Variants in NBEA observed in about 807,000 individuals in gnomAD.
NBEA encodes neurobeachin.
In NBEA, 44 loss-of-function variants were observed where a neutral mutation model predicts 343.4. The observed-to-expected ratio is 0.13, with a 90% CI of 0.10 to 0.16. The LOEUF is 0.16. Ranked by LOEUF, NBEA falls within the 10% of genes least tolerant of loss-of-function variation. The pLI, the probability that NBEA is intolerant of heterozygous loss-of-function variation, is 1.00. For synonymous variants in NBEA, 1,175 were observed against 1,238.7 expected, an observed-to-expected ratio of 0.95 and a Z score of 1.08; for missense variants, 2,555 against 3,631.3, an observed-to-expected ratio of 0.70 and a Z score of 7.62.
chr13:35,154,705 G>C (rs2069033938), intron 18 of NBEA, among the ~76,000 whole-genome samples: 1 of 152,060 alleles, frequency 6.6e-6, no homozygotes, highest in South Asian at 2.1e-4. Context: ...GTTAGTAAAT[G>C]TTTTAGAATT....
At chr13:35,036,643 A>T (rs1026102105) in intron 1 of NBEA, among the ~76,000 whole-genome samples, 1 of 151,974 alleles carries the variant, frequency 6.6e-6, no homozygotes, top group Admixed American at 6.6e-5. Flanking sequence ...TTTCCTCTTC[A>T]TGTTTGAAGG....
chr13:35,305,821 G>A (rs1188641132), intron 35 of NBEA, among the ~76,000 whole-genome samples: 3 of 152,098 alleles, frequency 2.0e-5, no homozygotes, highest in Non-Finnish European at 4.4e-5. Context: ...GCACACCATC[G>A]GTGGGTTCTT....
intron 8 of NBEA, among the ~76,000 whole-genome samples, chr13:35,063,622 G>T (rs2063542777): frequency 6.6e-6 from 1 of 151,956 alleles, no homozygotes; most frequent in African/African-American, 2.4e-5. Flanking sequence ...TCTTGAGTGA[G>T]AGGAACAGCC....
intron 6 of NBEA, among the ~76,000 whole-genome samples, chr13:35,052,292 A>T (rs1473683135): frequency 6.6e-6 from 1 of 152,044 alleles, no homozygotes; most frequent in Non-Finnish European, 1.5e-5. Flanking sequence ...AAATCTTTAC[A>T]TTAAAGCTTT....
At chr13:35,556,419 G>A (rs1410287) in intron 44 of NBEA, among the ~76,000 whole-genome samples, 135,075 of 152,006 alleles carry the variant, frequency 0.89, 60,941 homozygotes, top group East Asian at 1. Context: ...TAACTCTATC[G>A]TGGACTTTTA....
intron 41 of NBEA, chr13:35,476,238 C>G: frequency 6.4e-7 from 1 of 1,566,044 alleles, no homozygotes; most frequent in Non-Finnish European, 8.8e-7. Flanking sequence ...GAGAAACGGG[C>G]CGCAACACTC....
chr13:35,568,840 GGATTAGGGACAA>G (rs1393701398), intron 45 of NBEA, among the ~76,000 whole-genome samples: 2 of 152,128 alleles, frequency 1.3e-5, no homozygotes, highest in African/African-American at 4.8e-5. Context: ...TCAGAATTTT[GGATTAGGGACAA>G]GATTAGGAAC....
At chr13:35,368,991 A>G (rs568938640) in intron 38 of NBEA, among the ~76,000 whole-genome samples, 351 of 151,840 alleles carry the variant, frequency 2.3e-3, no homozygotes, top group Non-Finnish European at 3.9e-3. Flanking sequence ...CATCTAAGGC[A>G]CACATCAGTG....
In NBEA at chr13:35,623,499, C is replaced by T. The variant is rs531998765; in HGVS notation, c.7450-4582C>T. On this transcript the variant is annotated intron_variant, in intron 48 of 58. Transcript: ENST00000379939. ...AAAAAATCGACAAGACTTTGTTTAA[C>T]CTCTTACCTCATTGTTCCTTTGCCA... 9.9e-5 allele frequency among the ~76,000 whole-genome samples: 15 copies of T among 152,186 alleles called. No individual in the cohort carries two copies. In the South Asian group the frequency reaches 1.4e-3, roughly 15 times the overall value.
At chr13:35,015,826 C>CATAAT (rs1360191955) in intron 1 of NBEA, among the ~76,000 whole-genome samples, 69 of 151,988 alleles carry the variant, frequency 4.5e-4, no homozygotes, top group African/African-American at 1.6e-3. Flanking sequence ...TGAGAACTTA[C>CATAAT]ATAATAACCT....
chr13:35,117,190 T>C (rs1336916756), intron 13 of NBEA, among the ~76,000 whole-genome samples: 1 of 151,868 alleles, frequency 6.6e-6, no homozygotes, highest in Non-Finnish European at 1.5e-5. Flanking sequence ...AAAGTTCTTT[T>C]TTCCACAAAA....
At position 35,184,888 on chromosome 13, in the gene NBEA, T is replaced by C. The variant is rs116765210; in HGVS notation, c.4927+817T>C. 2.9e-3 allele frequency among the ~76,000 whole-genome samples: 442 copies of C among 152,260 alleles called. 2 individuals carry two copies. Among genetic ancestry groups the C allele is most frequent in the African/African-American group, 9.5e-3 (393 of 41,572 alleles). On this transcript the variant is annotated intron_variant, in intron 30 of 58. Transcript: ENST00000379939. ...TTCTGTGATAGCTCCAAGATTTTCC[T>C]GTGTACGCACTCTGCAAAATTCCTG... is the stretch of plus-strand genomic sequence containing the variant.
At chr13:35,611,337 A>G (rs2082513539) in intron 48 of NBEA, among the ~76,000 whole-genome samples, 1 of 152,258 alleles carries the variant, frequency 6.6e-6, no homozygotes, top group Non-Finnish European at 1.5e-5. Flanking sequence ...ACTCCATATT[A>G]TGAAGTACTA....
At chr13:35,574,690 A>G (rs1479981832) in intron 45 of NBEA, among the ~76,000 whole-genome samples, 1 of 152,108 alleles carries the variant, frequency 6.6e-6, no homozygotes, top group Non-Finnish European at 1.5e-5. Context: ...GTTTGAGACC[A>G]ACCTGAGCAA....
intron 49 of NBEA, among the ~76,000 whole-genome samples, chr13:35,637,500 C>A (rs1045462163): frequency 6.6e-6 from 1 of 152,096 alleles, no homozygotes; most frequent in Admixed American, 6.6e-5. Flanking sequence ...CATTTGTATA[C>A]CTATGTCCAC....
chr13:35,309,893 A>T (rs1331390581), intron 36 of NBEA, among the ~76,000 whole-genome samples: 1 of 152,142 alleles, frequency 6.6e-6, no homozygotes, highest in African/African-American at 2.4e-5. Context: ...CTGCAATCCC[A>T]TCTGCCACTC....
At chr13:35,446,070 G>C (rs1354905850) in intron 39 of NBEA, among the ~76,000 whole-genome samples, 5 of 151,354 alleles carry the variant, frequency 3.3e-5, no homozygotes, top group Non-Finnish European at 5.9e-5. Context: ...TGTGGTGTTT[G>C]GTTTTTTGTC....
At chr13:35,555,266 C>A (rs1259646248) in intron 44 of NBEA, among the ~76,000 whole-genome samples, 164 bp downstream of exon 44, 1 of 152,230 alleles carries the variant, frequency 6.6e-6, no homozygotes. Context: ...CAAGCTCATA[C>A]CAAACTTTTA....
intron 41 of NBEA, among the ~76,000 whole-genome samples, chr13:35,548,435 T>TGTG (rs545113790): frequency 1.9e-4 from 29 of 152,290 alleles, no homozygotes; most frequent in Admixed American, 1.5e-3. Flanking sequence ...TATGACTCTG[T>TGTG]GTGTGTATAC....
Sources: gnomAD v4.1 joint callset for allele counts (sites outside exome capture counted in the v4.1 genomes callset) on GRCh38, gnomAD v4.1.1 for gene constraint, MANE v1.5 for transcripts, NCBI Gene and HGNC (gene_info 2026-07-23, HGNC 2026-07-21) for gene names.